Variants in TPD52L1 observed in about 807,000 individuals in gnomAD.
TPD52L1 encodes TPD52 like 1, also known as tumor protein D53.
TPD52L1 carries 18 observed loss-of-function variants against 28.7 expected under a neutral mutation model. The observed-to-expected ratio is 0.63, with a 90% CI of 0.43 to 0.93. The LOEUF is 0.93. Ranked by LOEUF, TPD52L1 falls within the 40% of genes least tolerant of loss-of-function variation. The probability of loss-of-function intolerance (pLI) is 0.00; values close to 1 mark genes in which losing one functional copy is unlikely to be tolerated. For missense variants in TPD52L1, 203 were observed against 254.8 expected (o/e 0.80, Z 1.39); for synonymous variants, 75 against 88.8 (o/e 0.84, Z 0.88).
intron 6 of TPD52L1, chr6:125,261,710 A>G (rs1453765750): frequency 6.6e-6 from 1 of 151,712 alleles, no homozygotes; most frequent in East Asian, 1.9e-4. Flanking sequence ...GCCAGTTTTA[A>G]TAAGGGATTT....
intron 3 of TPD52L1, among the ~76,000 whole-genome samples, chr6:125,243,360 G>C (rs1796729827): frequency 6.6e-6 from 1 of 152,090 alleles, no homozygotes; most frequent in African/African-American, 2.4e-5. Flanking sequence ...TCTCTGGCAA[G>C]GCCAGGGAAG....
chr6:125,168,460 C>G (rs929576204), intron 1 of TPD52L1, among the ~76,000 whole-genome samples: 7 of 152,078 alleles, frequency 4.6e-5, no homozygotes, highest in Non-Finnish European at 8.8e-5. Context: ...TCAGTCCCCT[C>G]TCCTCTCAAA....
chr6:125,174,762 T>C (rs1791715645), intron 1 of TPD52L1, among the ~76,000 whole-genome samples: 1 of 152,198 alleles, frequency 6.6e-6, no homozygotes, highest in Admixed American at 6.5e-5. Flanking sequence ...CCTCTTCAGT[T>C]AGCAGATCCT....
At chr6:125,222,037 C>G (rs189132976) in intron 2 of TPD52L1, 68 of 152,378 alleles carry the variant, frequency 4.5e-4, no homozygotes, top group African/African-American at 1.6e-3. Flanking sequence ...TCACATTTCT[C>G]TTTCTCCTCC....
At chr6:125,201,033 C>T (rs562065930) in intron 1 of TPD52L1, among the ~76,000 whole-genome samples, 4 of 152,166 alleles carry the variant, frequency 2.6e-5, no homozygotes, top group East Asian at 1.9e-4. Context: ...TTATAGGCAG[C>T]GTTTCTTTTT....
chr6:125,176,697 A>G (rs1442674485), intron 1 of TPD52L1, among the ~76,000 whole-genome samples: 1 of 152,146 alleles, frequency 6.6e-6, no homozygotes, highest in Non-Finnish European at 1.5e-5. Context: ...AAATTCCGAT[A>G]ATCAACTGTT....
At chr6:125,224,546 G>C (rs1795474141) in intron 2 of TPD52L1, among the ~76,000 whole-genome samples, 1 of 151,720 alleles carries the variant, frequency 6.6e-6, no homozygotes, top group Non-Finnish European at 1.5e-5. Context: ...CTAGTGAACA[G>C]CTAATGTCTT....
At chr6:125,204,509 T>C (rs1793987952) in intron 1 of TPD52L1, among the ~76,000 whole-genome samples, 1 of 152,030 alleles carries the variant, frequency 6.6e-6, no homozygotes, top group African/African-American at 2.4e-5. Context: ...CGACGGAGTC[T>C]CACTCTGTCG....
At chr6:125,192,230 G>C (rs1453475475) in intron 1 of TPD52L1, among the ~76,000 whole-genome samples, 2 of 152,040 alleles carry the variant, frequency 1.3e-5, no homozygotes, top group Non-Finnish European at 2.9e-5. Context: ...TTAATGCCAA[G>C]AGTTTCAGAA....
At chr6:125,167,272 A>T (rs1292988609) in intron 1 of TPD52L1, among the ~76,000 whole-genome samples, 2 of 152,082 alleles carry the variant, frequency 1.3e-5, no homozygotes, top group African/African-American at 2.4e-5. Flanking sequence ...CAAAAAACAA[A>T]AAAACACCTC....
chr6:125,172,561 A>ATATTATAT (rs1562215221), intron 1 of TPD52L1, among the ~76,000 whole-genome samples: 10 of 90,448 alleles, frequency 1.1e-4, no homozygotes, highest in African/African-American at 4.9e-4. Flanking sequence ...TAATATATAT[A>ATATTATAT]CTATATGGCA....
chr6:125,245,608 G>A (rs964931250), intron 3 of TPD52L1, among the ~76,000 whole-genome samples: 1 of 152,148 alleles, frequency 6.6e-6, no homozygotes, highest in South Asian at 2.1e-4. Flanking sequence ...GGGTTGGGGG[G>A]TGTGGTTCTC....
chr6:125,192,057 G>A (rs1793085346), intron 1 of TPD52L1, among the ~76,000 whole-genome samples: 1 of 152,172 alleles, frequency 6.6e-6, no homozygotes, highest in South Asian at 2.1e-4. Flanking sequence ...AGAAAGCCAC[G>A]TTCTTTCCTC....
At chr6:125,181,240 CTA>C (rs1386501495) in intron 1 of TPD52L1, among the ~76,000 whole-genome samples, 2 of 152,044 alleles carry the variant, frequency 1.3e-5, no homozygotes, top group East Asian at 3.8e-4. Context: ...GCATAAAGAA[CTA>C]TGTCAAGATC....
At chr6:125,176,699 T>C (rs1007222579) in intron 1 of TPD52L1, among the ~76,000 whole-genome samples, 4 of 152,128 alleles carry the variant, frequency 2.6e-5, no homozygotes, top group African/African-American at 9.7e-5. Context: ...ATTCCGATAA[T>C]CAACTGTTTA....
chr6:125,254,533 G>A (rs1797475978), intron 5 of TPD52L1, among the ~76,000 whole-genome samples: 1 of 152,074 alleles, frequency 6.6e-6, no homozygotes, highest in African/African-American at 2.4e-5. Context: ...CACCCACCGA[G>A]CCCTAAGGCT....
At chr6:125,246,077 T>A (rs1350522829) in intron 3 of TPD52L1, among the ~76,000 whole-genome samples, 2 of 152,206 alleles carry the variant, frequency 1.3e-5, no homozygotes, top group Non-Finnish European at 2.9e-5. Context: ...TACAGTTATA[T>A]ACCTTCCCTG....
intron 1 of TPD52L1, among the ~76,000 whole-genome samples, chr6:125,210,011 C>G (rs924052606): frequency 6.6e-6 from 1 of 152,090 alleles, no homozygotes; most frequent in African/African-American, 2.4e-5. Flanking sequence ...TTATTAGTCT[C>G]TGTTTAACTC....
intron 1 of TPD52L1, among the ~76,000 whole-genome samples, chr6:125,180,144 C>T (rs1582871940): frequency 6.6e-6 from 1 of 152,196 alleles, no homozygotes; most frequent in Non-Finnish European, 1.5e-5. Flanking sequence ...AACTGTTGTA[C>T]TCAGAGGCTT....
Sources: gnomAD v4.1 joint callset for allele counts (sites outside exome capture counted in the v4.1 genomes callset) on GRCh38, gnomAD v4.1.1 for gene constraint, MANE v1.5 for transcripts, NCBI Gene and HGNC (gene_info 2026-07-23, HGNC 2026-07-21) for gene names.